Variants in NTRK3 observed in about 807,000 individuals in gnomAD.
The protein encoded by NTRK3 is NT-3 growth factor receptor.
A neutral mutation model predicts 91.7 loss-of-function variants in NTRK3; 24 were observed. That is an observed-to-expected ratio of 0.26 (90% CI 0.19 to 0.37). The LOEUF (loss-of-function observed/expected upper bound fraction) is 0.37. NTRK3 is among the 10% of genes least tolerant of loss of function. The probability of loss-of-function intolerance (pLI) is 1.00; values close to 1 mark genes in which losing one functional copy is unlikely to be tolerated. For synonymous variants in NTRK3, 483 were observed against 404.0 expected (o/e 1.20, Z -2.34); for missense variants, 880 against 1,068.9 (o/e 0.82, Z 2.46).
chr15:88,151,612 C>G (rs147723098), intron 5 of NTRK3, among the ~76,000 whole-genome samples: 334 of 152,302 alleles, frequency 2.2e-3, no homozygotes, highest in Non-Finnish European at 3.3e-3. Context: ...TAAGACGGAC[C>G]CTGTTGCCAA....
chr15:87,891,646 T>C (rs1310970054), intron 17 of NTRK3, among the ~76,000 whole-genome samples: 3 of 152,136 alleles, frequency 2.0e-5, no homozygotes, highest in Non-Finnish European at 2.9e-5. Context: ...TGTTCTTGGG[T>C]TTTTTCACTG....
At chr15:88,007,016 A>G (rs2076540733) in intron 14 of NTRK3, among the ~76,000 whole-genome samples, 1 of 152,188 alleles carries the variant, frequency 6.6e-6, no homozygotes. Flanking sequence ...AACTGACACC[A>G]CATGAGGACA....
intron 10 of NTRK3, among the ~76,000 whole-genome samples, chr15:88,130,898 T>C (rs2041268685): frequency 6.6e-6 from 1 of 150,912 alleles, no homozygotes; most frequent in Non-Finnish European, 1.5e-5. Flanking sequence ...GATGGACCAA[T>C]GTTAACAACC....
intron 3 of NTRK3, among the ~76,000 whole-genome samples, chr15:88,219,045 G>A (rs912325614): frequency 9.8e-5 from 15 of 152,312 alleles, no homozygotes; most frequent in African/African-American, 2.9e-4. Flanking sequence ...GACAGGAGAC[G>A]ACCTCTTGGC....
exon 7 of NTRK3, chr15:88,137,486 G>C (rs1227694955): frequency 1.2e-6 from 2 of 1,614,176 alleles, no homozygotes; most frequent in Admixed American, 1.7e-5. Flanking sequence ...TGTTGAGCTT[G>C]GCCTCCCCCT....
chr15:88,170,742 G>A (rs1452282061), intron 5 of NTRK3, among the ~76,000 whole-genome samples: 1 of 152,150 alleles, frequency 6.6e-6, no homozygotes, highest in Non-Finnish European at 1.5e-5. Flanking sequence ...GCCCACTGTA[G>A]GGTCCCTGAG....
chr15:88,036,895 A>G (rs2079121141), intron 13 of NTRK3, among the ~76,000 whole-genome samples: 1 of 152,220 alleles, frequency 6.6e-6, no homozygotes, highest in Admixed American at 6.5e-5. Context: ...TTGAGAAGAT[A>G]CCACATCGAG....
chr15:87,881,416 T>TATTG (rs1312185846), intron 17 of NTRK3, among the ~76,000 whole-genome samples: 1 of 140,390 alleles, frequency 7.1e-6, no homozygotes, highest in East Asian at 1.9e-4. Context: ...CTTATTTATT[T>TATTG]ATTTATTTAT....
chr15:88,205,235 A>C (rs1164566785), intron 3 of NTRK3, among the ~76,000 whole-genome samples: 4 of 152,156 alleles, frequency 2.6e-5, no homozygotes, highest in African/African-American at 7.2e-5. Flanking sequence ...TTGATGCCTT[A>C]GTGTCCGTGT....
At chr15:87,902,456 C>T (rs1011416140) in intron 17 of NTRK3, among the ~76,000 whole-genome samples, 1 of 152,064 alleles carries the variant, frequency 6.6e-6, no homozygotes, top group African/African-American at 2.4e-5. Context: ...AATCTATTTC[C>T]CGTTAACATC....
chr15:88,025,767 G>A (rs968785143), intron 14 of NTRK3, among the ~76,000 whole-genome samples: 3 of 152,078 alleles, frequency 2.0e-5, no homozygotes, highest in Admixed American at 6.5e-5. Flanking sequence ...ACTGTATTCC[G>A]GCATCCCTAA....
chr15:87,922,825 C>G (rs1403190736), intron 17 of NTRK3, among the ~76,000 whole-genome samples: 3 of 152,154 alleles, frequency 2.0e-5, no homozygotes, highest in Non-Finnish European at 4.4e-5. Context: ...GATGTGTTTT[C>G]TTATCTATTA....
intron 3 of NTRK3, among the ~76,000 whole-genome samples, chr15:88,217,952 G>A (rs1268587803): frequency 2.0e-5 from 3 of 151,988 alleles, no homozygotes; most frequent in African/African-American, 7.2e-5. Flanking sequence ...AATAGAGACG[G>A]GGTTTCACCG....
At chr15:88,104,360 T>C (rs2050486361) in intron 13 of NTRK3, among the ~76,000 whole-genome samples, 1 of 152,252 alleles carries the variant, frequency 6.6e-6, no homozygotes, top group Non-Finnish European at 1.5e-5. Flanking sequence ...CTAATGAAGA[T>C]GCACATTTCC....
chr15:87,979,860 C>T (rs550143920), intron 14 of NTRK3, among the ~76,000 whole-genome samples: 1 of 152,020 alleles, frequency 6.6e-6, no homozygotes, highest in Non-Finnish European at 1.5e-5. Flanking sequence ...CACTTAGGGG[C>T]TAAGGGATGG....
Position 88,233,747 on chromosome 15 carries a change from C to T in NTRK3, c.248+22159G>A, listed in dbSNP as rs895153596. ...CCTTACTCTCCCTTCCTTCCCTGCC[C>T]CCTTCCTCCCTACACCTTGCTCCTC... On this transcript the variant is annotated intron_variant, in intron 3 of 18. Transcript: ENST00000394480. The surrounding 1 kb of genome is among the most constrained non-coding windows in gnomAD (Gnocchi z 4.2). Among the ~76,000 whole-genome samples, 61 of 152,078 alleles carry T rather than the reference C, an allele frequency of 4.0e-4. No homozygotes were observed. Among genetic ancestry groups the T allele is most frequent in the African/African-American group, 1.4e-3 (59 of 41,452 alleles).
Position 87,939,898 on chromosome 15 carries a change from G to T in NTRK3, c.1716+725C>A, listed in dbSNP as rs562736777. On this transcript the variant is annotated intron_variant, in intron 15 of 18. Coordinates refer to ENST00000394480, the Ensembl canonical transcript of NTRK3. ...GACTGCTGGGTGGAAGAGTCTGGAAGGACAACTAGTAGTAGCAAAGTCCCT... is the reference window on the plus strand; with the variant it reads ...GACTGCTGGGTGGAAGAGTCTGGAATGACAACTAGTAGTAGCAAAGTCCCT... Among the ~76,000 whole-genome samples the T allele has an allele frequency of 8.5e-5, 13 of 152,336 alleles. No individual in the cohort carries two copies. In the South Asian group the frequency reaches 2.7e-3, roughly 32 times the overall value.
chr15:88,051,107 C>A (rs1442208860), intron 13 of NTRK3, among the ~76,000 whole-genome samples: 1 of 152,160 alleles, frequency 6.6e-6, no homozygotes, highest in African/African-American at 2.4e-5. Flanking sequence ...CTCCTACCAG[C>A]AATTGAGTAA....
At chr15:88,140,747 C>T (rs2042310745) in intron 6 of NTRK3, among the ~76,000 whole-genome samples, 1 of 152,204 alleles carries the variant, frequency 6.6e-6, no homozygotes, top group Non-Finnish European at 1.5e-5. Context: ...CTCAGTGTTA[C>T]TATGAAAACA....
Sources: gnomAD v4.1 joint callset for allele counts (sites outside exome capture counted in the v4.1 genomes callset) on GRCh38, gnomAD v4.1.1 for gene constraint, Gnocchi (gnomAD v3.1) non-coding constraint, MANE v1.5 for transcripts, NCBI Gene and HGNC (gene_info 2026-07-23, HGNC 2026-07-21) for gene names.